AKAP19: variants seen among roughly 807,000 people sequenced by gnomAD.
AKAP19 encodes the protein small A-kinase anchoring protein.
At chr2:190,055,320 G>A in the AKAP19 span, among the ~76,000 whole-genome samples, 8 of 127,450 alleles carry the variant, frequency 6.3e-5, no homozygotes, top group South Asian at 6.1e-4. Flanking sequence ...CACACACCGG[G>A]GCCTGTTGTG....
At chr2:190,040,929 T>C in the AKAP19 span, among the ~76,000 whole-genome samples, 3 of 152,206 alleles carry the variant, frequency 2.0e-5, no homozygotes, top group African/African-American at 7.2e-5. Flanking sequence ...TGTAGCACTA[T>C]AATATATAGT....
chr2:190,160,141 A>G, the AKAP19 span, among the ~76,000 whole-genome samples: 1 of 152,196 alleles, frequency 6.6e-6, no homozygotes, highest in Non-Finnish European at 1.5e-5. Flanking sequence ...GTGACTTTCA[A>G]TCTTAGGTTA....
At chr2:190,038,911 TTCTTCTTCTTC>T in the AKAP19 span, among the ~76,000 whole-genome samples, 15 of 112,186 alleles carry the variant, frequency 1.3e-4, no homozygotes, top group Admixed American at 4.2e-4. Flanking sequence ...TTTCTTCTTC[TTCTTCTTCTTC>T]TTCTTCTTCT....
chr2:190,160,338 ATT>A, the AKAP19 span, among the ~76,000 whole-genome samples: 5 of 151,546 alleles, frequency 3.3e-5, no homozygotes, highest in Non-Finnish European at 7.4e-5. Context: ...TTAGAATAAG[ATT>A]TTTTTTTTAA....
At chr2:189,957,049 G>A in the AKAP19 span, among the ~76,000 whole-genome samples, 145 of 152,208 alleles carry the variant, frequency 9.5e-4, no homozygotes, top group Middle Eastern at 3.4e-3. Context: ...GGTGGCCTGC[G>A]CCTGTAGTCC....
the AKAP19 span, among the ~76,000 whole-genome samples, chr2:190,177,215 CTGAGA>C: frequency 6.6e-6 from 1 of 152,078 alleles, no homozygotes; most frequent in African/African-American, 2.4e-5. The surrounding 1 kb of genome is among the most constrained non-coding windows in gnomAD (Gnocchi z 4.6). Flanking sequence ...ATTTTGTAAC[CTGAGA>C]TAAGTTCTAG....
chr2:189,961,481 A>T, the AKAP19 span, among the ~76,000 whole-genome samples: 8 of 152,210 alleles, frequency 5.3e-5, no homozygotes, highest in African/African-American at 1.9e-4. Flanking sequence ...AAGATACACC[A>T]TTCCTGTTTC....
chr2:190,122,696 A>G, the AKAP19 span, among the ~76,000 whole-genome samples: 1 of 152,192 alleles, frequency 6.6e-6, no homozygotes, highest in Non-Finnish European at 1.5e-5. Flanking sequence ...ACAAATGCTT[A>G]TTAGAAACTA....
the AKAP19 span, among the ~76,000 whole-genome samples, chr2:190,068,414 C>T: frequency 3.3e-5 from 5 of 152,332 alleles, no homozygotes; most frequent in Middle Eastern, 6.8e-3. Context: ...ACTGCAACCT[C>T]TGCCTCCCGG....
chr2:189,983,300 G>A, the AKAP19 span, among the ~76,000 whole-genome samples: 452 of 152,128 alleles, frequency 3.0e-3, 5 homozygotes, highest in African/African-American at 0.01. Context: ...TTGTGGCAGC[G>A]CCTCTTTTCC....
chr2:190,139,850 A>G, the AKAP19 span, among the ~76,000 whole-genome samples: 1 of 152,146 alleles, frequency 6.6e-6, no homozygotes, highest in African/African-American at 2.4e-5. Context: ...CCTTCCCAAC[A>G]GTGCCCCAAT....
chr2:190,178,516 C>T, the AKAP19 span, among the ~76,000 whole-genome samples: 1 of 152,186 alleles, frequency 6.6e-6, no homozygotes, highest in South Asian at 2.1e-4. This position sits in a 1 kb window ranked among gnomAD's most constrained non-coding sequence, Gnocchi z 6.3. Flanking sequence ...TGAGGGCAGC[C>T]GGGCAGATGG....
At chr2:190,186,203 T>G in the AKAP19 span, among the ~76,000 whole-genome samples, 2 of 152,250 alleles carry the variant, frequency 1.3e-5, no homozygotes, top group East Asian at 3.9e-4. The surrounding 1 kb of genome is among the most constrained non-coding windows in gnomAD (Gnocchi z 5.5). Flanking sequence ...CCACCCACTT[T>G]GGCCTCCCAA....
the AKAP19 span, among the ~76,000 whole-genome samples, chr2:189,983,100 G>A: frequency 7.2e-3 from 1,102 of 152,268 alleles, 12 homozygotes; most frequent in Non-Finnish European, 0.012. Context: ...GTGCATTGAG[G>A]TCTTAGGATA....
chr2:190,004,636 C>T, the AKAP19 span, among the ~76,000 whole-genome samples: 2 of 151,422 alleles, frequency 1.3e-5, no homozygotes, highest in East Asian at 3.9e-4. Flanking sequence ...TCAAATCTCA[C>T]CTGGTTTATG....
At chr2:189,945,282 A>G in the AKAP19 span, among the ~76,000 whole-genome samples, 3 of 152,176 alleles carry the variant, frequency 2.0e-5, no homozygotes, top group Non-Finnish European at 4.4e-5. Context: ...AACAAAACAA[A>G]ACAGTTCAGA....
the AKAP19 span, among the ~76,000 whole-genome samples, chr2:189,998,771 CTTTTTTTT>C: frequency 1.0e-5 from 1 of 97,546 alleles, no homozygotes; most frequent in Non-Finnish European, 1.9e-5. Context: ...TTCTTTCTTT[CTTTTTTTT>C]TTTTTTTTTT....
At chr2:190,079,760 G>A in the AKAP19 span, among the ~76,000 whole-genome samples, 518 of 152,010 alleles carry the variant, frequency 3.4e-3, 8 homozygotes, top group African/African-American at 0.012. Context: ...GCAGTGAGCC[G>A]AGATTGGGCC....
chr2:190,180,656 G>T, the AKAP19 span: 5 of 985,190 alleles, frequency 5.1e-6, no homozygotes, highest in African/African-American at 8.8e-5. The surrounding 1 kb of genome is among the most constrained non-coding windows in gnomAD (Gnocchi z 6.8). Flanking sequence ...CGGACCCTGC[G>T]CCTGAGGAAG....
Sources: allele counts gnomAD v4.1 joint callset (sites outside exome capture counted in the v4.1 genomes callset), GRCh38; gene constraint gnomAD v4.1.1; non-coding constraint Gnocchi (gnomAD v3.1); transcripts MANE v1.5; gene names NCBI Gene and HGNC (gene_info 2026-07-23, HGNC 2026-07-21).